Variants in CDIN1 observed in about 807,000 individuals in gnomAD.
CDIN1 encodes the protein CDAN1 interacting nuclease 1.
A neutral mutation model predicts 45.3 loss-of-function variants in CDIN1; 33 were observed. That is an observed-to-expected ratio of 0.73 (90% CI 0.55 to 0.97). CDIN1 has a LOEUF of 0.97. CDIN1 is among the 50% of genes least tolerant of loss of function. CDIN1 has a pLI of 0.00. For synonymous variants in CDIN1, 118 were observed against 124.4 expected (o/e 0.95, Z 0.34); for missense variants, 303 against 339.4 (o/e 0.89, Z 0.84).
intron 10 of CDIN1, among the ~76,000 whole-genome samples, chr15:36,755,423 A>G (rs1203752387): frequency 3.9e-5 from 6 of 152,054 alleles, no homozygotes; most frequent in African/African-American, 7.2e-5. Flanking sequence ...TGTTTTGTTC[A>G]TATTTGGCTT....
At chr15:36,580,613 A>G (rs2036998940) in intron 1 of CDIN1, among the ~76,000 whole-genome samples, 1 of 152,120 alleles carries the variant, frequency 6.6e-6, no homozygotes, top group Non-Finnish European at 1.5e-5. Context: ...TTTTTCAGCG[A>G]TTTTAGAATT....
intron 10 of CDIN1, among the ~76,000 whole-genome samples, chr15:36,747,504 T>C (rs1237835970): frequency 6.6e-6 from 1 of 152,178 alleles, no homozygotes; most frequent in Non-Finnish European, 1.5e-5. Context: ...TATGAGTGTA[T>C]TTATTAGAAT....
intron 10 of CDIN1, among the ~76,000 whole-genome samples, chr15:36,734,527 T>C (rs1460299171): frequency 6.6e-6 from 1 of 152,148 alleles, no homozygotes; most frequent in East Asian, 1.9e-4. Flanking sequence ...TAGCTGTTTA[T>C]AAATAACCCA....
At chr15:36,757,986 A>T (rs1384938469) in intron 10 of CDIN1, among the ~76,000 whole-genome samples, 6 of 152,122 alleles carry the variant, frequency 3.9e-5, no homozygotes, top group Admixed American at 2.6e-4. Context: ...TTACTCTCTT[A>T]TATGCCTAAT....
At chr15:36,628,646 G>C (rs185508917) in intron 1 of CDIN1, among the ~76,000 whole-genome samples, 1 of 152,116 alleles carries the variant, frequency 6.6e-6, no homozygotes, top group African/African-American at 2.4e-5. Flanking sequence ...GATGAGTTGG[G>C]ACTTTGGGGG....
intron 10 of CDIN1, among the ~76,000 whole-genome samples, chr15:36,769,991 C>T (rs1216062346): frequency 6.6e-6 from 1 of 152,128 alleles, no homozygotes; most frequent in Non-Finnish European, 1.5e-5. Flanking sequence ...CAAGACATAA[C>T]CCATTTTCTT....
intron 3 of CDIN1, among the ~76,000 whole-genome samples, chr15:36,650,056 C>T (rs1310925468): frequency 6.6e-6 from 1 of 152,206 alleles, no homozygotes; most frequent in East Asian, 1.9e-4. Flanking sequence ...ATGTGAACAT[C>T]TGAATAAAGT....
intron 7 of CDIN1, chr15:36,696,583 A>T (rs1481944829): frequency 2.0e-5 from 3 of 152,206 alleles, no homozygotes; most frequent in Middle Eastern, 3.2e-3. Flanking sequence ...TAATTTAAAA[A>T]TTTTTTTAGA....
chr15:36,688,923 C>T (rs1010213756), intron 5 of CDIN1, among the ~76,000 whole-genome samples: 7 of 152,158 alleles, frequency 4.6e-5, no homozygotes, highest in African/African-American at 1.7e-4. Flanking sequence ...GGGTCCACAG[C>T]ACAGGCAGTC....
intron 10 of CDIN1, among the ~76,000 whole-genome samples, chr15:36,728,875 T>C (rs2043739479): frequency 6.6e-6 from 1 of 152,016 alleles, no homozygotes; most frequent in African/African-American, 2.4e-5. Flanking sequence ...GGTTTCACCA[T>C]GTTAGCCAGG....
At position 36,640,301 on chromosome 15, in the gene CDIN1, C is replaced by T. The variant is rs568948966; in HGVS notation, c.102-3977C>T. 3.9e-5 allele frequency among the ~76,000 whole-genome samples: 6 copies of T among 152,106 alleles called. No homozygotes were observed. The South Asian group carries it at 6.2e-4, about 16-fold the overall frequency. ...AGCTGCATTGCTTTTATAGAAAATACGCCTTGACCAGCACTCTGAATCATT... is the reference window on the plus strand; with the variant it reads ...AGCTGCATTGCTTTTATAGAAAATATGCCTTGACCAGCACTCTGAATCATT... On this transcript the variant is annotated intron_variant, in intron 1 of 10. Coordinates refer to ENST00000566621, the MANE Select transcript of CDIN1 (RefSeq NM_001321759.2).
At chr15:36,745,580 T>A (rs1161691051) in intron 10 of CDIN1, among the ~76,000 whole-genome samples, 1 of 152,194 alleles carries the variant, frequency 6.6e-6, no homozygotes, top group Non-Finnish European at 1.5e-5. Context: ...ATTTTAGGCA[T>A]CTATCAATAA....
rs1290004746 is a variant in CDIN1 at position 36,657,946 on chromosome 15, T to G, written c.346+41T>G. On this transcript the variant is annotated intron_variant, in intron 5 of 10. Transcript: ENST00000566621. ...TTCCTAATGGTACTCTTTTACTCCC[T>G]TCCCCAATTTAAAAATAATTTACAC... 5 of 1,490,440 alleles carry G rather than the reference T, an allele frequency of 3.4e-6. No individual in the cohort carries two copies. In the African/African-American group the frequency reaches 5.6e-5, roughly 17 times the overall value. The allele number at this position is 1,490,440 out of a possible 1,614,324, so 92.3% of individuals were successfully genotyped here.
rs374674649 is a variant in CDIN1, at chr15:36,692,753, A to G, written c.476+578A>G. Among the ~76,000 whole-genome samples the G allele has an allele frequency of 3.3e-5, 5 of 152,306 alleles. No homozygotes were observed. The South Asian group carries it at 6.2e-4, about 19-fold the overall frequency. ...CTGGAATACATTTAAGGTTGTGAAA[A>G]CAGATGTCCAGTCACTTTTCATTAA... On this transcript the variant is annotated intron_variant, in intron 7 of 10. Transcript: ENST00000566621.
At chr15:36,778,479 G>C (rs1452476156) in intron 10 of CDIN1, among the ~76,000 whole-genome samples, 1 of 152,082 alleles carries the variant, frequency 6.6e-6, no homozygotes, top group Non-Finnish European at 1.5e-5. Context: ...CCTATCCTCT[G>C]CAATTGTTTT....
chr15:36,666,907 C>T (rs2041270601), intron 5 of CDIN1, among the ~76,000 whole-genome samples: 1 of 152,164 alleles, frequency 6.6e-6, no homozygotes, highest in Non-Finnish European at 1.5e-5. Flanking sequence ...GCTTTACCTA[C>T]TTGGATATTT....
chr15:36,701,953 T>C (rs2042661240), intron 8 of CDIN1: 3 of 662,004 alleles, frequency 4.5e-6, no homozygotes, highest in Middle Eastern at 2.6e-4. Context: ...ATTCCTCACC[T>C]GAAGCAATAA....
chr15:36,655,326 C>CTTTTTTTTT (rs146085190), intron 4 of CDIN1, among the ~76,000 whole-genome samples: 3 of 129,580 alleles, frequency 2.3e-5, no homozygotes, highest in African/African-American at 5.7e-5. Flanking sequence ...TTTTTTTTTG[C>CTTTTTTTTT]TTTTTTTTTT....
chr15:36,774,618 A>C (rs1240681867), intron 10 of CDIN1, among the ~76,000 whole-genome samples: 1 of 152,130 alleles, frequency 6.6e-6, no homozygotes, highest in Non-Finnish European at 1.5e-5. Flanking sequence ...TTTTCTTCTG[A>C]ATCTGATTCT....
Sources: allele counts gnomAD v4.1 joint callset (sites outside exome capture counted in the v4.1 genomes callset), GRCh38; gene constraint gnomAD v4.1.1; transcripts MANE v1.5; gene names NCBI Gene and HGNC (gene_info 2026-07-23, HGNC 2026-07-21).